HECW1: variants seen among roughly 807,000 people sequenced by gnomAD.
HECW1 encodes HECT, C2 and WW domain containing E3 ubiquitin protein ligase 1, also known as E3 ubiquitin-protein ligase HECW1.
HECW1 carries 61 observed loss-of-function variants against 182.3 expected under a neutral mutation model. The observed-to-expected ratio is 0.33, with a 90% CI of 0.27 to 0.41. The LOEUF (loss-of-function observed/expected upper bound fraction) is 0.41, where lower values mean the gene tolerates loss of function less well. Ranked by LOEUF, HECW1 falls within the 10% of genes least tolerant of loss-of-function variation. The pLI is 1.00. For synonymous variants in HECW1, 859 were observed against 832.6 expected, an observed-to-expected ratio of 1.03 and a Z score of -0.55; for missense variants, 1,739 against 2,108.9, an observed-to-expected ratio of 0.82 and a Z score of 3.44.
At chr7:43,168,160 G>A (rs1196579966) in intron 2 of HECW1, among the ~76,000 whole-genome samples, 1 of 152,212 alleles carries the variant, frequency 6.6e-6, no homozygotes, top group Non-Finnish European at 1.5e-5. Context: ...TTTGCATGAT[G>A]TCCCCAATAT....
intron 2 of HECW1, chr7:43,163,118 G>C (rs73099611): frequency 6.6e-6 from 1 of 152,170 alleles, no homozygotes; most frequent in Non-Finnish European, 1.5e-5. Flanking sequence ...CAGCACAGAC[G>C]AGAACAGTCC....
intron 22 of HECW1, among the ~76,000 whole-genome samples, chr7:43,507,638 G>A (rs1467659918): frequency 6.6e-6 from 1 of 152,036 alleles, no homozygotes; most frequent in East Asian, 1.9e-4. Context: ...TTAAATTCTT[G>A]GTAACTTTGT....
chr7:43,175,836 C>G (rs372074561), intron 2 of HECW1, among the ~76,000 whole-genome samples: 2 of 152,096 alleles, frequency 1.3e-5, no homozygotes, highest in East Asian at 3.9e-4. Context: ...GTCACGTTTT[C>G]CTTCTCACAG....
At position 43,456,509 on chromosome 7, in the gene HECW1, G is replaced by T. The variant is rs996057292; in HGVS notation, c.2651+62G>T. Reference sequence around the variant, plus strand: ...CAGTGAAAGGAGAATGGCAGCTAGAGACGCTCCCCTTACACTTTTCTGCTC... The same window carrying T: ...CAGTGAAAGGAGAATGGCAGCTAGATACGCTCCCCTTACACTTTTCTGCTC... On this transcript the variant is annotated intron_variant, in intron 13 of 29. Coordinates refer to ENST00000395891, the MANE Select transcript of HECW1 (RefSeq NM_015052.5). The T allele has an allele frequency of 4.6e-6, 7 of 1,521,822 alleles. No homozygotes were observed. The Admixed American group carries it at 7.3e-5, about 16-fold the overall frequency. The allele number at this position is 1,521,822 out of a possible 1,614,324, so 94.3% of individuals were successfully genotyped here. A position where few individuals can be genotyped will look rare whatever the true frequency, so the allele number is the denominator to read the frequency against.
At chr7:43,347,195 A>G (rs1813793705) in intron 5 of HECW1, among the ~76,000 whole-genome samples, 1 of 152,102 alleles carries the variant, frequency 6.6e-6, no homozygotes, top group Non-Finnish European at 1.5e-5. Flanking sequence ...TTTTCTTTGT[A>G]GAGGTCTTTC....
intron 2 of HECW1, among the ~76,000 whole-genome samples, chr7:43,222,110 T>C (rs924380053): frequency 6.6e-6 from 1 of 152,196 alleles, no homozygotes; most frequent in Non-Finnish European, 1.5e-5. Context: ...CTCAACTGTC[T>C]TGGCACATGA....
chr7:43,382,015 G>A (rs1327850693), intron 6 of HECW1, among the ~76,000 whole-genome samples: 1 of 151,090 alleles, frequency 6.6e-6, no homozygotes, highest in African/African-American at 2.4e-5. Flanking sequence ...AAAAATAGAA[G>A]CCCCTCACGC....
intron 26 of HECW1, among the ~76,000 whole-genome samples, chr7:43,547,110 T>A (rs1445421775): frequency 6.6e-6 from 1 of 152,234 alleles, no homozygotes; most frequent in Non-Finnish European, 1.5e-5. Context: ...CAAACCGTCC[T>A]TTGCTGGCAT....
At chr7:43,181,563 T>C (rs1445320416) in intron 2 of HECW1, among the ~76,000 whole-genome samples, 4 of 150,938 alleles carry the variant, frequency 2.7e-5, no homozygotes, top group Non-Finnish European at 5.9e-5. Flanking sequence ...TATCTCATTT[T>C]GATTTGCATT....
At chr7:43,138,737 C>T (rs147618386) in intron 2 of HECW1, among the ~76,000 whole-genome samples, 91 of 152,176 alleles carry the variant, frequency 6.0e-4, no homozygotes, top group African/African-American at 1.9e-3. Context: ...AGTTTTAGGA[C>T]GGAGTATTCC....
At chr7:43,210,260 C>T (rs1457293445) in intron 2 of HECW1, among the ~76,000 whole-genome samples, 5 of 152,128 alleles carry the variant, frequency 3.3e-5, no homozygotes, top group African/African-American at 4.8e-5. Context: ...CTGCCCAAAA[C>T]GAACTTATTG....
chr7:43,443,468 A>G (rs2076952505), intron 10 of HECW1, among the ~76,000 whole-genome samples: 1 of 152,258 alleles, frequency 6.6e-6, no homozygotes, highest in African/African-American at 2.4e-5. Context: ...TGGTGTAGCC[A>G]TAAGGACAGC....
intron 2 of HECW1, chr7:43,119,073 A>G (rs952200003): frequency 6.6e-6 from 1 of 152,286 alleles, no homozygotes; most frequent in African/African-American, 2.4e-5. Flanking sequence ...GAAATATATG[A>G]AGCAAAATAT....
chr7:43,278,112 C>T (rs1026220179), intron 3 of HECW1, among the ~76,000 whole-genome samples: 8 of 152,152 alleles, frequency 5.3e-5, no homozygotes, highest in Admixed American at 3.3e-4. Context: ...CATTTCAGAC[C>T]CTGCCCCTGA....
intron 29 of HECW1, among the ~76,000 whole-genome samples, chr7:43,559,378 A>AC (rs2082135603): frequency 6.6e-6 from 1 of 152,198 alleles, no homozygotes; most frequent in Admixed American, 6.5e-5. Context: ...GTCACGTGCA[A>AC]AACTCCAGAG....
intron 6 of HECW1, among the ~76,000 whole-genome samples, chr7:43,370,249 A>T (rs2152819033): frequency 6.6e-6 from 1 of 152,364 alleles, no homozygotes; most frequent in South Asian, 2.1e-4. Flanking sequence ...TTAGCATATG[A>T]AAAGATGCCC....
At position 43,374,203 on chromosome 7, in the gene HECW1, G is replaced by C. The variant is rs908108017; in HGVS notation, c.555+13223G>C. On this transcript the variant is annotated intron_variant, in intron 6 of 29. Coordinates refer to ENST00000395891, the MANE Select transcript of HECW1 (RefSeq NM_015052.5). Reference sequence around the variant, plus strand: ...GGGTTCAAATAAAAAGAAACACTACGAAAATTCATAGAGGTTGGCTCCTTT... The same window carrying C: ...GGGTTCAAATAAAAAGAAACACTACCAAAATTCATAGAGGTTGGCTCCTTT... 2.0e-5 allele frequency among the ~76,000 whole-genome samples: 3 copies of C among 152,110 alleles called. No individual in the cohort carries two copies. The South Asian group carries it at 6.2e-4, about 32-fold the overall frequency.
chr7:43,427,148 G>T (rs1439668862), intron 8 of HECW1, among the ~76,000 whole-genome samples: 1 of 152,092 alleles, frequency 6.6e-6, no homozygotes, highest in Non-Finnish European at 1.5e-5. Flanking sequence ...AGAACTCTAG[G>T]TTGACAGTTA....
chr7:43,248,720 C>A, intron 3 of HECW1: 1 of 146,850 alleles, frequency 6.8e-6, no homozygotes, highest in South Asian at 1.9e-4. Context: ...CCTCCTCCTC[C>A]TCCTCCTTTT....
Sources: gnomAD v4.1 joint callset for allele counts (sites outside exome capture counted in the v4.1 genomes callset) on GRCh38, gnomAD v4.1.1 for gene constraint, MANE v1.5 for transcripts, NCBI Gene and HGNC (gene_info 2026-07-23, HGNC 2026-07-21) for gene names.